NR3C1: variants seen among roughly 807,000 people sequenced by gnomAD.
NR3C1 encodes glucocorticoid receptor.
In NR3C1, 14 loss-of-function variants were observed where a neutral mutation model predicts 74.0. That is an observed-to-expected ratio of 0.19 (90% CI 0.12 to 0.30). NR3C1 has a LOEUF of 0.30. Among genes scored for constraint, NR3C1 ranks in the 10% least tolerant of loss-of-function variants. NR3C1 has a pLI of 1.00. For missense variants in NR3C1, 695 were observed against 909.8 expected, an observed-to-expected ratio of 0.76 and a Z score of 3.04; for synonymous variants, 308 against 332.5, an observed-to-expected ratio of 0.93 and a Z score of 0.80.
At chr5:143,302,843 C>T (rs551817733) in intron 4 of NR3C1, among the ~76,000 whole-genome samples, 11 of 152,028 alleles carry the variant, frequency 7.2e-5, no homozygotes, top group Non-Finnish European at 1.2e-4. Context: ...GTTAATACAA[C>T]TTTATATAAA....
intron 2 of NR3C1, among the ~76,000 whole-genome samples, chr5:143,330,833 T>C (rs951624417): frequency 1.3e-5 from 2 of 152,136 alleles, no homozygotes; most frequent in Admixed American, 6.5e-5. Context: ...CAACAAAGAA[T>C]TGCAGGGGAT....
intron 2 of NR3C1, among the ~76,000 whole-genome samples, chr5:143,346,998 A>G (rs1407572189): frequency 6.6e-6 from 1 of 152,244 alleles, no homozygotes; most frequent in Non-Finnish European, 1.5e-5. Flanking sequence ...GCTTTAGTAC[A>G]CAGCACTGTA....
chr5:143,369,385 C>T (rs1055423476), intron 2 of NR3C1, among the ~76,000 whole-genome samples: 5 of 152,094 alleles, frequency 3.3e-5, no homozygotes, highest in African/African-American at 1.2e-4. Context: ...TACACAGAAA[C>T]TTGTATATGA....
chr5:143,384,464 A>G (rs1412447961), intron 2 of NR3C1, among the ~76,000 whole-genome samples: 1 of 152,246 alleles, frequency 6.6e-6, no homozygotes, highest in Admixed American at 6.5e-5. Context: ...CACTCTGCTT[A>G]TGAGACTGTA....
intron 1 of NR3C1, among the ~76,000 whole-genome samples, chr5:143,411,606 ATAT>A (rs1448530345): frequency 7.2e-5 from 11 of 152,314 alleles, no homozygotes; most frequent in Non-Finnish European, 2.9e-5. Flanking sequence ...ATGGACACAA[ATAT>A]TCTGCAAAAA....
intron 2 of NR3C1, among the ~76,000 whole-genome samples, chr5:143,357,733 C>T (rs1006516321): frequency 1.3e-5 from 2 of 152,226 alleles, no homozygotes; most frequent in African/African-American, 2.4e-5. Context: ...AAAGAAAATT[C>T]TGTGCAAACA....
chr5:143,299,134 C>T (rs1817944929), intron 5 of NR3C1, among the ~76,000 whole-genome samples: 1 of 151,484 alleles, frequency 6.6e-6, no homozygotes, highest in Admixed American at 6.6e-5. Flanking sequence ...CAGTGCCAGC[C>T]TCCCAAGTAG....
intron 2 of NR3C1, among the ~76,000 whole-genome samples, chr5:143,319,430 T>C (rs2151641898): frequency 6.6e-6 from 1 of 152,292 alleles, no homozygotes; most frequent in Non-Finnish European, 1.5e-5. Flanking sequence ...TATTATCACC[T>C]CAGAAAGCAA....
intron 2 of NR3C1, among the ~76,000 whole-genome samples, chr5:143,355,756 T>C (rs1831025450): frequency 6.6e-6 from 1 of 152,202 alleles, no homozygotes. Flanking sequence ...ACTAATAACT[T>C]CCAGGCCATT....
chr5:143,432,486 G>C (rs1304098290), intron 1 of NR3C1, among the ~76,000 whole-genome samples: 1 of 152,144 alleles, frequency 6.6e-6, no homozygotes, highest in Non-Finnish European at 1.5e-5. Context: ...GGACAGAAGT[G>C]AACTATTTCT....
chr5:143,328,180 G>A (rs1825064254), intron 2 of NR3C1, among the ~76,000 whole-genome samples: 1 of 152,202 alleles, frequency 6.6e-6, no homozygotes, highest in South Asian at 2.1e-4. Context: ...CAAAGCTTGG[G>A]GCTTGCACCC....
chr5:143,354,624 G>T (rs954332455), intron 2 of NR3C1, among the ~76,000 whole-genome samples: 15 of 152,010 alleles, frequency 9.9e-5, no homozygotes, highest in Non-Finnish European at 2.2e-4. Flanking sequence ...GAGGTTTATG[G>T]TGCCTGAAAA....
intron 2 of NR3C1, among the ~76,000 whole-genome samples, chr5:143,385,937 C>G (rs1006859418): frequency 6.6e-6 from 1 of 152,168 alleles, no homozygotes; most frequent in African/African-American, 2.4e-5. Context: ...TGTACTAGTC[C>G]ATTTTCACAG....
intron 2 of NR3C1, among the ~76,000 whole-genome samples, chr5:143,362,335 G>A (rs1461323967): frequency 1.3e-5 from 2 of 151,568 alleles, no homozygotes; most frequent in African/African-American, 4.8e-5. Context: ...AAAGACAGCA[G>A]AATGGACCTC....
intron 2 of NR3C1, among the ~76,000 whole-genome samples, chr5:143,349,936 C>T (rs547981030): frequency 3.9e-5 from 6 of 152,036 alleles, no homozygotes; most frequent in African/African-American, 1.4e-4. Context: ...GCCTGCATGA[C>T]AATGTGATAT....
chr5:143,385,117 T>A (rs926808974), intron 2 of NR3C1, among the ~76,000 whole-genome samples: 1 of 152,190 alleles, frequency 6.6e-6, no homozygotes, highest in African/African-American at 2.4e-5. Flanking sequence ...AGCCCAAGAT[T>A]ATCTCCTGGC....
intron 2 of NR3C1, among the ~76,000 whole-genome samples, chr5:143,328,721 CA>C (rs1382995675): frequency 6.6e-6 from 1 of 152,206 alleles, no homozygotes; most frequent in Non-Finnish European, 1.5e-5. Flanking sequence ...TAAATCATCT[CA>C]AAGTTCATCA....
At chr5:143,382,770 G>C (rs1836486884) in intron 2 of NR3C1, among the ~76,000 whole-genome samples, 1 of 152,188 alleles carries the variant, frequency 6.6e-6, no homozygotes, top group African/African-American at 2.4e-5. Flanking sequence ...GACAATGACG[G>C]GAGCATACTT....
rs1357145564 is a variant in NR3C1 at position 143,279,160 on chromosome 5, T to G, written c.*2729A>C. On this transcript the variant is annotated 3_prime_UTR_variant, in exon 9 of 9. Coordinates refer to ENST00000394464, the MANE Select transcript of NR3C1 (RefSeq NM_000176.3). ...TCAAACAGCACCACCATATAGCACT[T>G]AAATCCACAATTAAACATAATTAAG... 1.7e-6 allele frequency: 1 copy of G among 601,382 alleles called. No individual in the cohort carries two copies. Among genetic ancestry groups the G allele is most frequent in the Admixed American group, 3.9e-5 (1 of 25,692 alleles). The allele number at this position is 601,382 out of a possible 1,614,324, so 37.3% of individuals were successfully genotyped here. A position where few individuals can be genotyped will look rare whatever the true frequency, so the allele number is the denominator to read the frequency against.
Sources: allele counts gnomAD v4.1 joint callset (sites outside exome capture counted in the v4.1 genomes callset), GRCh38; gene constraint gnomAD v4.1.1; transcripts MANE v1.5; gene names NCBI Gene and HGNC (gene_info 2026-07-23, HGNC 2026-07-21).